Variants in C19orf84 observed in about 807,000 individuals in gnomAD.
C19orf84 encodes the protein piRNA-mediated silencing protein C19orf84.
In C19orf84, 1 loss-of-function variant was observed where a neutral mutation model predicts 4.0. The observed-to-expected ratio is 0.25, with a 90% CI of 0.09 to 1.19. The LOEUF (loss-of-function observed/expected upper bound fraction) is 1.19. Ranked by LOEUF, C19orf84 falls within the 50% of genes most tolerant of loss-of-function variation. C19orf84 has a pLI of 0.50. For synonymous variants in C19orf84, 123 were observed against 109.6 expected (o/e 1.12, Z -0.76); for missense variants, 224 against 246.8 (o/e 0.91, Z 0.62).
At chr19:51,390,317 T>C in intron 1 of C19orf84, 161 bp downstream of exon 1, 3 of 575,036 alleles carry the variant, frequency 5.2e-6, no homozygotes, top group Non-Finnish European at 8.0e-6. Context: ...CTCACCAAGA[T>C]CTTCTAAGAT....
Position 51,388,876 on chromosome 19 carries a change from G to T in C19orf84, c.*108C>A. On this transcript the variant is annotated 3_prime_UTR_variant, in exon 2 of 2. Transcript: ENST00000574814. ...GGATTGTGGTTTTGGGGAGAGGGGA[G>T]GATGGAAGATGTTTCTTGGGGTTCT... The T allele has an allele frequency of 7.9e-7, 1 of 1,269,112 alleles. No homozygotes were observed. The highest frequency in any genetic ancestry group is 1.5e-5 in the South Asian group (1 of 67,208). 78.6% of individuals were successfully genotyped at this position (1,269,112 alleles called of 1,614,324 possible). A position where few individuals can be genotyped will look rare whatever the true frequency, so the allele number is the denominator to read the frequency against.
Position 51,389,088 on chromosome 19 carries a change from A to C in C19orf84, c.457T>G (p.Ser153Ala). 1 of 1,372,120 alleles carries C rather than the reference A, an allele frequency of 7.3e-7. No homozygotes were observed. Among genetic ancestry groups the C allele is most frequent in the Non-Finnish European group, 9.7e-7 (1 of 1,034,854 alleles). 85.0% of individuals were successfully genotyped at this position (1,372,120 alleles called of 1,614,324 possible). A position where few individuals can be genotyped will look rare whatever the true frequency, so the allele number is the denominator to read the frequency against. The change falls in exon 2 of 2, where the codon TCA (serine) becomes GCA (alanine). Residue 153 changes from serine (S) to alanine (A), a missense_variant. Ser to Ala is a moderately conservative substitution (Grantham distance 99). Coordinates refer to ENST00000574814, the MANE Select transcript of C19orf84 (RefSeq NM_001193623.2). The surrounding 1 kb of genome is among the most constrained non-coding windows in gnomAD (Gnocchi z 4.7). ...GPRTPPMTLP[S>A]PPTLPAQDGK... is the part of the protein sequence containing the mutation. ...TCCTGGGCAGGCAGTGTTGGTGGTG[A>C]TGGCAGTGTCATTGGTGGGGTCCTG...
rs1987222041 is a variant in C19orf84, at chr19:51,389,405, C to G, written c.140G>C (p.Gly47Ala). 6.7e-7 allele frequency: 1 copy of G among 1,491,108 alleles called. No individual in the cohort carries two copies. Among genetic ancestry groups the G allele is most frequent in the African/African-American group, 1.4e-5 (1 of 71,946 alleles). The allele number at this position is 1,491,108 out of a possible 1,614,324, so 92.4% of individuals were successfully genotyped here. Residue 47 changes from glycine (G) to alanine (A), a missense_variant, in exon 2 of 2, where the codon GGG becomes GCG. By Grantham distance (60) the Gly-to-Ala change is moderately conservative (BLOSUM62 0). Coordinates refer to ENST00000574814, the MANE Select transcript of C19orf84 (RefSeq NM_001193623.2). The surrounding 1 kb of genome is among the most constrained non-coding windows in gnomAD (Gnocchi z 4.7). ...GACAGAGGCCACGCTCTCCGGGAGC[C>G]CCAGGTGGGTGGGGTCTGTGGAGTT... The part of the protein sequence containing the change: ...LLNSTDPTHL[G>A]LPESVASVTV...
At position 51,389,193 on chromosome 19, in the gene C19orf84, C is replaced by T; in HGVS notation, c.352G>A (p.Gly118Ser). 6.5e-7 allele frequency: 1 copy of T among 1,534,300 alleles called. No individual in the cohort carries two copies. Among genetic ancestry groups the T allele is most frequent in the Non-Finnish European group, 8.7e-7 (1 of 1,145,840 alleles). Residue 118 changes from glycine (G) to serine (S), a missense_variant, in exon 2 of 2, where the codon GGC becomes AGC. Gly to Ser is a moderately conservative substitution (Grantham distance 56, BLOSUM62 0). Transcript: ENST00000574814. The surrounding 1 kb of genome is among the most constrained non-coding windows in gnomAD (Gnocchi z 4.7). ...GWEVRHRPGWGRGLHRRGLGR... is the reference protein window; with the variant it reads ...GWEVRHRPGWSRGLHRRGLGR... Reference sequence around the variant, plus strand: ...AGGCCCCGTCGATGCAGGCCTCGGCCCCAGCCTGGCCTGTGCCTGACTTCC... The same window carrying T: ...AGGCCCCGTCGATGCAGGCCTCGGCTCCAGCCTGGCCTGTGCCTGACTTCC...
chr19:51,388,577 A>C lies in C19orf84; in HGVS notation c.*407T>G. The C allele has an allele frequency of 9.6e-6, 2 of 207,908 alleles. No individual in the cohort carries two copies. The highest frequency in any genetic ancestry group is 2.0e-5 in the Non-Finnish European group (2 of 102,286). The allele number at this position is 207,908 out of a possible 1,614,324, so 12.9% of individuals were successfully genotyped here. On this transcript the variant is annotated 3_prime_UTR_variant, in exon 2 of 2. Transcript: ENST00000574814. ...GCTGGGACTGGTGACAGGGATGGGA[A>C]TGAATGGGTTTGGGAACAGGGTATT...
intron 1 of C19orf84, among the ~76,000 whole-genome samples, chr19:51,390,054 A>G (rs1389501572): frequency 6.6e-6 from 1 of 151,696 alleles, no homozygotes; most frequent in Non-Finnish European, 1.5e-5. Context: ...ACTTGGCTCA[A>G]CGCAACCTCT....
rs921031713 is a variant in C19orf84 at position 51,389,141 on chromosome 19, C to T, written c.404G>A (p.Gly135Asp). ...GLGRAEQPER[G>D]RAGGPGAGPR... The stretch of plus-strand genomic sequence containing the variant: ...GCCAGCCCCAGGGCCCCCCGCCCGG[C>T]CCCTCTCTGGCTGCTCAGCTCTCCC... The change falls in exon 2 of 2, where the codon GGC (glycine) becomes GAC (aspartate). Residue 135 changes from glycine to aspartate, a missense_variant. Physicochemically the swap from Gly to Asp is moderately conservative, Grantham distance 94. Coordinates refer to ENST00000574814, the MANE Select transcript of C19orf84 (RefSeq NM_001193623.2). The surrounding 1 kb of genome is among the most constrained non-coding windows in gnomAD (Gnocchi z 4.7). 6.5e-7 allele frequency: 1 copy of T among 1,535,924 alleles called. No homozygotes were observed. The highest frequency in any genetic ancestry group is 2.4e-5 in the East Asian group (1 of 40,882).
At chr19:51,390,394 G>A (rs1987276221) in intron 1 of C19orf84, 84 bp downstream of exon 1, 1 of 1,393,392 alleles carries the variant, frequency 7.2e-7, no homozygotes, top group African/African-American at 1.5e-5. Flanking sequence ...GGTCTGTTCA[G>A]CGCGCCCTTT....
Position 51,389,112 on chromosome 19 carries a change from T to C in C19orf84, c.433A>G (p.Arg145Gly), listed in dbSNP as rs1249442132. The C allele has an allele frequency of 5.9e-6, 8 of 1,363,472 alleles. No homozygotes were observed. The East Asian group carries it at 2.2e-4, about 37-fold the overall frequency. 84.5% of individuals were successfully genotyped at this position (1,363,472 alleles called of 1,614,324 possible). The change falls in exon 2 of 2, where the codon AGG (arginine) becomes GGG (glycine). Residue 145 changes from arginine (R) to glycine (G), a missense_variant. Arg to Gly is a moderately radical substitution (Grantham distance 125). Coordinates refer to ENST00000574814, the MANE Select transcript of C19orf84 (RefSeq NM_001193623.2). The surrounding 1 kb of genome is among the most constrained non-coding windows in gnomAD (Gnocchi z 4.7). ...GRAGGPGAGP[R>G]TPPMTLPSPP... Reference sequence around the variant, plus strand: ...GATGGCAGTGTCATTGGTGGGGTCCTGGGGCCAGCCCCAGGGCCCCCCGCC... The same window carrying C: ...GATGGCAGTGTCATTGGTGGGGTCCCGGGGCCAGCCCCAGGGCCCCCCGCC...
In C19orf84 at chr19:51,390,582, T is replaced by C; in HGVS notation, c.-70A>G. On this transcript the variant is annotated 5_prime_UTR_variant, in exon 1 of 2. Transcript: ENST00000574814. ...GAGATCCTTCGGGGGCCCGGGAAGG[T>C]TGGGGAGGGGCCGAGGCCGAGAGAG... The C allele has an allele frequency of 2.0e-6, 3 of 1,481,052 alleles. 1 individual carries two copies. Among genetic ancestry groups the C allele is most frequent in the East Asian group, 2.6e-5 (1 of 38,342 alleles). 91.7% of individuals were successfully genotyped at this position (1,481,052 alleles called of 1,614,324 possible).
chr19:51,389,135 G>C lies in C19orf84; in HGVS notation c.410C>G (p.Ala137Gly). The change falls in exon 2 of 2, where the codon GCG becomes GGG. Residue 137 changes from alanine to glycine, a missense_variant. Ala to Gly is a moderately conservative substitution (Grantham distance 60). Coordinates refer to ENST00000574814, the MANE Select transcript of C19orf84 (RefSeq NM_001193623.2). This position sits in a 1 kb window ranked among gnomAD's most constrained non-coding sequence, Gnocchi z 4.7. ...CCTGGGGCCAGCCCCAGGGCCCCCC[G>C]CCCGGCCCCTCTCTGGCTGCTCAGC... ...GRAEQPERGR[A>G]GGPGAGPRTP... 6.5e-7 allele frequency: 1 copy of C among 1,535,822 alleles called. No homozygotes were observed. Among genetic ancestry groups the C allele is most frequent in the Non-Finnish European group, 8.7e-7 (1 of 1,146,792 alleles).
In C19orf84 at chr19:51,390,526, C is replaced by G. The variant is rs1255437116; in HGVS notation, c.-14G>C. Reference sequence around the variant, plus strand: ...TGGTTGTTCCATCTCCACTGGGGCCCTCTTACGTATCTTCTAGCAACTTCG... The same window carrying G: ...TGGTTGTTCCATCTCCACTGGGGCCGTCTTACGTATCTTCTAGCAACTTCG... On this transcript the variant is annotated 5_prime_UTR_variant, in exon 1 of 2. Coordinates refer to ENST00000574814, the MANE Select transcript of C19orf84 (RefSeq NM_001193623.2). 6.5e-7 allele frequency: 1 copy of G among 1,528,278 alleles called. No homozygotes were observed. The highest frequency in any genetic ancestry group is 2.0e-5 in the Admixed American group (1 of 50,314). 94.7% of individuals were successfully genotyped at this position (1,528,278 alleles called of 1,614,324 possible).
In C19orf84 at chr19:51,389,121, C is replaced by T. The variant is rs1987197482; in HGVS notation, c.424G>A (p.Ala142Thr). The T allele has an allele frequency of 6.5e-7, 1 of 1,535,664 alleles. No homozygotes were observed. The highest frequency in any genetic ancestry group is 1.2e-5 in the South Asian group (1 of 84,052). Reference sequence around the variant, plus strand: ...GTCATTGGTGGGGTCCTGGGGCCAGCCCCAGGGCCCCCCGCCCGGCCCCTC... The same window carrying T: ...GTCATTGGTGGGGTCCTGGGGCCAGTCCCAGGGCCCCCCGCCCGGCCCCTC... ...PERGRAGGPG[A>T]GPRTPPMTLP... The change falls in exon 2 of 2, where the codon GCT becomes ACT. Residue 142 changes from alanine to threonine, a missense_variant. Coordinates refer to ENST00000574814, the MANE Select transcript of C19orf84 (RefSeq NM_001193623.2). The surrounding 1 kb of genome is among the most constrained non-coding windows in gnomAD (Gnocchi z 4.7).
intron 1 of C19orf84, among the ~76,000 whole-genome samples, chr19:51,390,104 G>C (rs532463536): frequency 4.0e-5 from 6 of 151,448 alleles, no homozygotes; most frequent in Non-Finnish European, 8.8e-5. Context: ...TCAGCCTGTC[G>C]AGTACCTGGG....
rs1987203953 is a variant in C19orf84 at position 51,389,192 on chromosome 19, C to T, written c.353G>A (p.Gly118Asp). The change falls in exon 2 of 2, where the codon GGC becomes GAC. Residue 118 changes from glycine (G) to aspartate (D), a missense_variant. Coordinates refer to ENST00000574814, the MANE Select transcript of C19orf84 (RefSeq NM_001193623.2). This position sits in a 1 kb window ranked among gnomAD's most constrained non-coding sequence, Gnocchi z 4.7. The part of the protein sequence containing the change: ...GWEVRHRPGW[G>D]RGLHRRGLGR... ...AAGGCCCCGTCGATGCAGGCCTCGG[C>T]CCCAGCCTGGCCTGTGCCTGACTTC... 3 of 1,534,708 alleles carry T rather than the reference C, an allele frequency of 2.0e-6. No homozygotes were observed. Among genetic ancestry groups the T allele is most frequent in the African/African-American group, 1.4e-5 (1 of 73,000 alleles).
At chr19:51,390,387 C>A (rs763695264) in intron 1 of C19orf84, 91 bp downstream of exon 1, 72 of 1,308,314 alleles carry the variant, frequency 5.5e-5, no homozygotes, top group Non-Finnish European at 7.1e-5. Flanking sequence ...CTATGCAGGT[C>A]TGTTCAGCGC....
chr19:51,388,671 GA>G lies in C19orf84; in HGVS notation c.*312del. On this transcript the variant is annotated 3_prime_UTR_variant, in exon 2 of 2. Transcript: ENST00000574814. Reference sequence around the variant, plus strand: ...AGGGAGAGGATAGGGAATGGGGTTGGAGGAGCCCTGGGGGTTGAGAATGAGG... The same window carrying G: ...AGGGAGAGGATAGGGAATGGGGTTGGGGAGCCCTGGGGGTTGAGAATGAGG... 1 of 402,630 alleles carries G rather than the reference GA, an allele frequency of 2.5e-6. No individual in the cohort carries two copies. The highest frequency in any genetic ancestry group is 5.4e-5 in the East Asian group (1 of 18,662). 24.9% of individuals were successfully genotyped at this position (402,630 alleles called of 1,614,324 possible). A position where few individuals can be genotyped will look rare whatever the true frequency, so the allele number is the denominator to read the frequency against.
At position 51,388,771 on chromosome 19, in the gene C19orf84, G is replaced by A. The variant is rs1423265945; in HGVS notation, c.*213C>T. ...CCATCAAGGAGACAGGTTTGGGTAC[G>A]AGGTTTAGGATTTTCTTCTCACTTG... On this transcript the variant is annotated 3_prime_UTR_variant, in exon 2 of 2. Coordinates refer to ENST00000574814, the MANE Select transcript of C19orf84 (RefSeq NM_001193623.2). 1.3e-5 allele frequency: 8 copies of A among 601,284 alleles called. No homozygotes were observed. The highest frequency in any genetic ancestry group is 1.7e-5 in the Non-Finnish European group (6 of 343,332). The allele number at this position is 601,284 out of a possible 1,614,324, so 37.2% of individuals were successfully genotyped here. A position where few individuals can be genotyped will look rare whatever the true frequency, so the allele number is the denominator to read the frequency against.
Position 51,390,494 on chromosome 19 carries a change from C to G in C19orf84, c.19G>C (p.Gly7Arg), listed in dbSNP as rs529584253. MEQPKD[G>R]AGPEGNNLSL... ...TTGTCTCACCCTTCAGGCCCAGCCC[C>G]GTCCTTTGGTTGTTCCATCTCCACT... Residue 7 changes from glycine to arginine, a missense_variant, in exon 1 of 2, where the codon GGG becomes CGG. Physicochemically the swap from Gly to Arg is moderately radical, Grantham distance 125. Transcript: ENST00000574814. The G allele has an allele frequency of 1.6e-5, 24 of 1,533,660 alleles. No homozygotes were observed. The highest frequency in any genetic ancestry group is 2.0e-5 in the Non-Finnish European group (23 of 1,145,622).
Sources: gnomAD v4.1 joint callset for allele counts (sites outside exome capture counted in the v4.1 genomes callset) on GRCh38, gnomAD v4.1.1 for gene constraint, Gnocchi (gnomAD v3.1) non-coding constraint, MANE v1.5 for transcripts, NCBI Gene and HGNC (gene_info 2026-07-23, HGNC 2026-07-21) for gene names.